The following LAMA4 variants were observed in gnomAD, a reference collection of about 807,000 sequenced individuals.
The protein encoded by LAMA4 is laminin subunit alpha-4.
Under a neutral mutation model 207.1 loss-of-function variants are expected in LAMA4, and 127 were observed. The observed-to-expected ratio is 0.61, with a 90% confidence interval of 0.53 to 0.71. The LOEUF (loss-of-function observed/expected upper bound fraction) is 0.71. Ranked by LOEUF, LAMA4 falls within the 30% of genes least tolerant of loss-of-function variation. LAMA4 has a pLI of 0.00. For missense variants in LAMA4, 2,093 were observed against 2,246.5 expected, an observed-to-expected ratio of 0.93 and a Z score of 1.38; for synonymous variants, 761 against 816.0, an observed-to-expected ratio of 0.93 and a Z score of 1.15.
intron 25 of LAMA4, among the ~76,000 whole-genome samples, chr6:112,134,922 AGGTG>A (rs1254095833): frequency 2.8e-4 from 10 of 36,058 alleles, no homozygotes; most frequent in South Asian, 1.0e-3. Context: ...AACTATAAAC[AGGTG>A]CCACCATTCT....
chr6:112,252,506 T>A (rs1787532070), intron 2 of LAMA4, among the ~76,000 whole-genome samples: 1 of 152,372 alleles, frequency 6.6e-6, no homozygotes, highest in South Asian at 2.1e-4. Context: ...GATGCCCGGA[T>A]AAATTTGAAT....
intron 9 of LAMA4, among the ~76,000 whole-genome samples, chr6:112,184,621 A>C (rs1782576369): frequency 6.6e-6 from 1 of 151,960 alleles, no homozygotes; most frequent in African/African-American, 2.4e-5. Context: ...CTATCTTTTT[A>C]TTGAAATTCT....
chr6:112,171,368 A>C (rs1464053415), intron 12 of LAMA4, among the ~76,000 whole-genome samples: 2 of 152,156 alleles, frequency 1.3e-5, no homozygotes, highest in Non-Finnish European at 2.9e-5. Context: ...TCAGACTGTG[A>C]CTAAGGTGAG....
chr6:112,154,839 G>T lies in LAMA4; in HGVS notation c.2056+12C>A, dbSNP rs397516722. On this transcript the variant is annotated intron_variant, in intron 16 of 38. Coordinates refer to ENST00000230538, the MANE Select transcript of LAMA4 (RefSeq NM_001105206.3). ...TAAATTAGAAAGGAGATAGGAAAGT[G>T]AAGATATTTACTAGACTCTGCCTTT... The T allele has an allele frequency of 2.0e-6, 3 of 1,520,266 alleles. No individual in the cohort carries two copies. The highest frequency in any genetic ancestry group is 4.5e-5 in the East Asian group (2 of 44,442). The allele number at this position is 1,520,266 out of a possible 1,614,324, so 94.2% of individuals were successfully genotyped here. A position where few individuals can be genotyped will look rare whatever the true frequency, so the allele number is the denominator to read the frequency against.
chr6:112,159,158 T>A, intron 13 of LAMA4: 1 of 423,426 alleles, frequency 2.4e-6, no homozygotes, highest in Non-Finnish European at 4.3e-6. Flanking sequence ...CCTTCAATTA[T>A]CCACACATGT....
intron 36 of LAMA4, among the ~76,000 whole-genome samples, chr6:112,115,460 A>G (rs1222482255): frequency 2.0e-5 from 3 of 152,184 alleles, no homozygotes; most frequent in African/African-American, 7.2e-5. Flanking sequence ...AATAATATGT[A>G]TAGTATATAT....
At chr6:112,220,138 C>T (rs1403839742) in intron 2 of LAMA4, among the ~76,000 whole-genome samples, 3 of 152,188 alleles carry the variant, frequency 2.0e-5, no homozygotes, top group Admixed American at 1.3e-4. Flanking sequence ...TATATGAAAA[C>T]CATTGAATGG....
chr6:112,223,531 T>C (rs918019409), intron 2 of LAMA4, among the ~76,000 whole-genome samples: 1 of 152,216 alleles, frequency 6.6e-6, no homozygotes, highest in African/African-American at 2.4e-5. Flanking sequence ...CTTGCAAAAG[T>C]CTGCCTAAAT....
chr6:112,220,481 C>T (rs1784863602), intron 2 of LAMA4, among the ~76,000 whole-genome samples: 1 of 152,098 alleles, frequency 6.6e-6, no homozygotes, highest in Admixed American at 6.5e-5. Context: ...TGTGGTGTAT[C>T]TACATGTGTC....
intron 23 of LAMA4, 105 bp from the exon 24 acceptor site, chr6:112,139,396 A>G: frequency 3.3e-6 from 4 of 1,223,606 alleles, no homozygotes; most frequent in Non-Finnish European, 3.6e-6. Flanking sequence ...GGACCTTACA[A>G]CATTTAAATG....
Position 112,117,811 on chromosome 6 carries a change from C to T in LAMA4, c.4909G>A (p.Val1637Met). Reference protein sequence around the residue: ...SITSASQTFSVTPCFEGPMET... With the variant: ...SITSASQTFSMTPCFEGPMET... ...ATGGGGCCTTCAAAGCAAGGGGTCA[C>T]ACTGAATGTCTGAGAAGCAGAGGTG... Residue 1637 changes from valine to methionine, a missense_variant, in exon 35 of 39, where the codon GTG becomes ATG. Coordinates refer to ENST00000230538, the MANE Select transcript of LAMA4 (RefSeq NM_001105206.3). The surrounding 1 kb of genome is among the most constrained non-coding windows in gnomAD (Gnocchi z 4.5). 1 of 1,613,830 alleles carries T rather than the reference C, an allele frequency of 6.2e-7. No individual in the cohort carries two copies. Among genetic ancestry groups the T allele is most frequent in the South Asian group, 1.1e-5 (1 of 91,086 alleles).
intron 36 of LAMA4, 84 bp from the exon 37 acceptor site, chr6:112,114,840 A>C (rs1456398643): frequency 1.0e-6 from 1 of 953,846 alleles, no homozygotes; most frequent in East Asian, 2.5e-5. Context: ...ACCACAGTGA[A>C]GCAATACTTC....
intron 31 of LAMA4, among the ~76,000 whole-genome samples, chr6:112,122,990 A>G (rs587713386): frequency 3.0e-4 from 45 of 152,350 alleles, no homozygotes; most frequent in African/African-American, 1.1e-3. Flanking sequence ...TGAATGAGAA[A>G]TGATTCCTGT....
Position 112,114,122 on chromosome 6 carries a change from T to G in LAMA4, c.5280A>C (p.Pro1760=). The change falls in exon 38 of 39, where the codon CCA becomes CCC. Residue 1760 remains proline, a synonymous_variant. Transcript: ENST00000230538. The part of the protein sequence containing the change: ...EVNHVVGPLN[P]KPIDHREPVF... ...CAGGCTCCCTGTGATCAATTGGTTT[T>G]GGATTCAGGGGTCCAACCACATGGT... is the stretch of plus-strand genomic sequence containing the variant. 6.2e-7 allele frequency: 1 copy of G among 1,614,026 alleles called. No individual in the cohort carries two copies. Among genetic ancestry groups the G allele is most frequent in the Non-Finnish European group, 8.5e-7 (1 of 1,179,902 alleles).
chr6:112,193,727 A>G (rs911857912), intron 5 of LAMA4, among the ~76,000 whole-genome samples: 1 of 152,202 alleles, frequency 6.6e-6, no homozygotes, highest in African/African-American at 2.4e-5. Flanking sequence ...TCAGTTTTCC[A>G]GGGTCACATA....
In LAMA4 at chr6:112,209,262, T is replaced by C. The variant is rs577567928; in HGVS notation, c.298-2117A>G. On this transcript the variant is annotated intron_variant, in intron 3 of 38. Transcript: ENST00000230538. ...AGAAGAAAACAGGCCCATTGTAAGA[T>C]GTTAGGCCATTCTTTGTGCCCAAAG... Among the ~76,000 whole-genome samples, 3 of 152,276 alleles carry C rather than the reference T, an allele frequency of 2.0e-5. No individual in the cohort carries two copies. In the South Asian group the frequency reaches 6.2e-4, roughly 32 times the overall value.
chr6:112,226,718 G>C (rs930065138), intron 2 of LAMA4, among the ~76,000 whole-genome samples: 1 of 152,148 alleles, frequency 6.6e-6, no homozygotes, highest in Admixed American at 6.5e-5. Flanking sequence ...GGTTTGAATT[G>C]GTAAAGAATG....
intron 2 of LAMA4, among the ~76,000 whole-genome samples, chr6:112,239,321 C>CAAAAAAA (rs1202967086): frequency 3.8e-5 from 3 of 78,244 alleles, no homozygotes; most frequent in Admixed American, 1.4e-4. Context: ...GACTCCATCT[C>CAAAAAAA]AAAAAAAAAA....
intron 3 of LAMA4, among the ~76,000 whole-genome samples, chr6:112,214,770 C>G (rs951148914): frequency 5.9e-5 from 9 of 152,148 alleles, no homozygotes; most frequent in African/African-American, 2.2e-4. Context: ...TTTATTAGAA[C>G]CTGTTATGTC....
Sources: allele counts gnomAD v4.1 joint callset (sites outside exome capture counted in the v4.1 genomes callset), GRCh38; gene constraint gnomAD v4.1.1; non-coding constraint Gnocchi (gnomAD v3.1); transcripts MANE v1.5; gene names NCBI Gene and HGNC (gene_info 2026-07-23, HGNC 2026-07-21).